Variants in PPP4R3B observed in about 807,000 individuals in gnomAD.
PPP4R3B encodes serine/threonine-protein phosphatase 4 regulatory subunit 3B.
PPP4R3B carries 52 observed loss-of-function variants against 95.4 expected under a neutral mutation model. That is an observed-to-expected ratio of 0.54 (90% CI 0.44 to 0.69). The LOEUF is 0.69. PPP4R3B is among the 30% of genes least tolerant of loss of function. PPP4R3B has a pLI of 0.00. For synonymous variants in PPP4R3B, 407 were observed against 343.9 expected (o/e 1.18, Z -2.03); for missense variants, 1,003 against 1,005.9 (o/e 1.00, Z 0.04).
At chr2:55,603,839 TAAAAAA>T (rs1202174122) in intron 3 of PPP4R3B, 133 bp downstream of exon 3, 1 of 525,292 alleles carries the variant, frequency 1.9e-6, no homozygotes, top group African/African-American at 1.9e-5. Flanking sequence ...CCGTAGAATA[TAAAAAA>T]TTTCAAGTTA....
rs528965102 is a variant in PPP4R3B, at chr2:55,577,357, C to G, written c.1565-1G>C. 1.9e-5 allele frequency: 28 copies of G among 1,499,596 alleles called. No homozygotes were observed. Among genetic ancestry groups the G allele is most frequent in the African/African-American group, 2.9e-5 (2 of 69,838 alleles). The allele number at this position is 1,499,596 out of a possible 1,614,324, so 92.9% of individuals were successfully genotyped here. On this transcript the variant is annotated splice_acceptor_variant, in intron 10 of 16. Coordinates refer to ENST00000616407, the MANE Select transcript of PPP4R3B (RefSeq NM_001122964.3). LOFTEE classifies it high-confidence loss of function. ...TTTTTGTTTGATCCAACTATATTAT[C>G]TAATAAAAAAATTAAAAATTAAAAT...
chr2:55,606,030 A>AT (rs1283004226), intron 2 of PPP4R3B, among the ~76,000 whole-genome samples: 1 of 151,812 alleles, frequency 6.6e-6, no homozygotes, highest in African/African-American at 2.4e-5. Context: ...CTCCATATAT[A>AT]AAAAAAAGAA....
intron 7 of PPP4R3B, among the ~76,000 whole-genome samples, chr2:55,583,851 A>G (rs909966734): frequency 1.3e-5 from 2 of 152,252 alleles, no homozygotes; most frequent in African/African-American, 2.4e-5. Context: ...TAAAACAACT[A>G]TAATTTCATT....
At chr2:55,564,578 C>G (rs1687048067) in intron 14 of PPP4R3B, 81 bp from the exon 15 acceptor site, 1 of 1,227,588 alleles carries the variant, frequency 8.1e-7, no homozygotes, top group African/African-American at 1.5e-5. Flanking sequence ...TATGTATAAC[C>G]AAGATGAACT....
At chr2:55,612,940 C>A in intron 2 of PPP4R3B, among the ~76,000 whole-genome samples, 1 of 145,720 alleles carries the variant, frequency 6.9e-6, no homozygotes, top group African/African-American at 2.5e-5. Context: ...AGCGAGACTC[C>A]ATCTCAAAAA....
At chr2:55,610,467 C>G (rs190178963) in intron 2 of PPP4R3B, among the ~76,000 whole-genome samples, 4 of 152,264 alleles carry the variant, frequency 2.6e-5, no homozygotes, top group African/African-American at 7.2e-5. Flanking sequence ...CCTTTTGTAG[C>G]AAGTGTATTT....
Position 55,577,370 on chromosome 2 carries a change from T to TA in PPP4R3B, c.1565-15dup. On this transcript the variant is annotated splice_polypyrimidine_tract_variant and intron_variant, in intron 10 of 16. Transcript: ENST00000616407. Reference sequence around the variant, plus strand: ...CAACTATATTATCTAATAAAAAAATTAAAAATTAAAATAAAATACTTCAGT... The same window carrying TA: ...CAACTATATTATCTAATAAAAAAATTAAAAAATTAAAATAAAATACTTCAGT... 6.9e-7 allele frequency: 1 copy of TA among 1,457,982 alleles called. No individual in the cohort carries two copies. The highest frequency in any genetic ancestry group is 9.1e-7 in the Non-Finnish European group (1 of 1,104,076). 90.3% of individuals were successfully genotyped at this position (1,457,982 alleles called of 1,614,324 possible).
At chr2:55,573,301 GTGAC>G (rs1023591197) in intron 12 of PPP4R3B, among the ~76,000 whole-genome samples, 1 of 152,106 alleles carries the variant, frequency 6.6e-6, no homozygotes, top group African/African-American at 2.4e-5. Flanking sequence ...ATTATAAAGA[GTGAC>G]TGACTACTAA....
At chr2:55,589,158 TA>T in intron 4 of PPP4R3B, among the ~76,000 whole-genome samples, 1 of 147,708 alleles carries the variant, frequency 6.8e-6, no homozygotes, top group South Asian at 2.2e-4. Context: ...CATCAATATC[TA>T]GTTTAACTAA....
At position 55,603,975 on chromosome 2, in the gene PPP4R3B, T is replaced by G. The variant is rs753345673; in HGVS notation, c.297+3A>C. The G allele has an allele frequency of 6.3e-7, 1 of 1,590,872 alleles. No homozygotes were observed. The highest frequency in any genetic ancestry group is 2.2e-5 in the East Asian group (1 of 44,562). On this transcript the variant is annotated splice_donor_region_variant and intron_variant, in intron 3 of 16. Coordinates refer to ENST00000616407, the MANE Select transcript of PPP4R3B (RefSeq NM_001122964.3). ...AAGTTAAATATTATAAAAAGAAACTTACCTGACAAATTTTTTCCCAGATCT... is the reference window on the plus strand; with the variant it reads ...AAGTTAAATATTATAAAAAGAAACTGACCTGACAAATTTTTTCCCAGATCT...
At chr2:55,559,586 T>C (rs1486497268) in intron 15 of PPP4R3B, among the ~76,000 whole-genome samples, 3 of 152,066 alleles carry the variant, frequency 2.0e-5, no homozygotes, top group Non-Finnish European at 1.5e-5. Flanking sequence ...TCTCACGAGA[T>C]CTGGTTGTTC....
intron 14 of PPP4R3B, 72 bp downstream of exon 14, chr2:55,564,830 T>C: frequency 6.4e-7 from 1 of 1,551,444 alleles, no homozygotes. Context: ...AAATTTCACA[T>C]GGAAAATCTG....
chr2:55,568,040 T>G (rs1687529208), intron 13 of PPP4R3B, 154 bp downstream of exon 13: 1 of 453,432 alleles, frequency 2.2e-6, no homozygotes, highest in Admixed American at 4.5e-5. Flanking sequence ...ATTTTTAAAA[T>G]TTCTGTTTAT....
chr2:55,572,924 T>A (rs192719250), intron 12 of PPP4R3B, among the ~76,000 whole-genome samples: 4 of 152,258 alleles, frequency 2.6e-5, no homozygotes, highest in Admixed American at 2.6e-4. Context: ...TCTAGAGTAG[T>A]ATTAGTGGGC....
At chr2:55,607,101 C>A (rs1693520236) in intron 2 of PPP4R3B, among the ~76,000 whole-genome samples, 1 of 152,142 alleles carries the variant, frequency 6.6e-6, no homozygotes, top group South Asian at 2.1e-4. Context: ...TACAATAATT[C>A]ACAAAAGTTG....
At position 55,549,776 on chromosome 2, in the gene PPP4R3B, G is replaced by T; in HGVS notation, c.*135C>A. The T allele has an allele frequency of 1.4e-6, 1 of 695,402 alleles. No individual in the cohort carries two copies. Among genetic ancestry groups the T allele is most frequent in the Non-Finnish European group, 2.5e-6 (1 of 401,830 alleles). 43.1% of individuals were successfully genotyped at this position (695,402 alleles called of 1,614,324 possible). On this transcript the variant is annotated 3_prime_UTR_variant, in exon 17 of 17. Coordinates refer to ENST00000616407, the MANE Select transcript of PPP4R3B (RefSeq NM_001122964.3). Reference sequence around the variant, plus strand: ...TTTTTATTAGAACTAAACTCTCTTAGCTGATATACTGTCTTTTGCTACTCC... The same window carrying T: ...TTTTTATTAGAACTAAACTCTCTTATCTGATATACTGTCTTTTGCTACTCC...
At chr2:55,592,947 GGTTGGGA>G (rs1174305265) in intron 4 of PPP4R3B, among the ~76,000 whole-genome samples, 17 of 152,062 alleles carry the variant, frequency 1.1e-4, no homozygotes, top group African/African-American at 3.4e-4. Context: ...GATCACCTGA[GGTTGGGA>G]GTTCAAGACC....
chr2:55,558,294 A>C (rs1017998782), intron 16 of PPP4R3B, among the ~76,000 whole-genome samples: 3 of 152,206 alleles, frequency 2.0e-5, no homozygotes, highest in African/African-American at 7.2e-5. Flanking sequence ...AAGTGCTCCA[A>C]AATAGAATGG....
chr2:55,552,943 T>C lies in PPP4R3B; in HGVS notation c.2455-2937A>G, dbSNP rs115525870. ...TCTTAAGAAAACCCCAGAAAGAAGC[T>C]AGGCAGTAAAGGCACCAAAATATTG... On this transcript the variant is annotated intron_variant, in intron 16 of 16. Transcript: ENST00000616407. 3.7e-3 allele frequency among the ~76,000 whole-genome samples: 563 copies of C among 152,212 alleles called. 2 individuals carry two copies. The highest frequency in any genetic ancestry group is 5.2e-3 in the Non-Finnish European group (351 of 68,002).
Sources: gnomAD v4.1 joint callset for allele counts (sites outside exome capture counted in the v4.1 genomes callset) on GRCh38, gnomAD v4.1.1 for gene constraint, MANE v1.5 for transcripts, NCBI Gene and HGNC (gene_info 2026-07-23, HGNC 2026-07-21) for gene names.